NXPE2: variants seen among roughly 807,000 people sequenced by gnomAD.
NXPE2 encodes neurexophilin and PC-esterase domain family member 2.
Under a neutral mutation model 34.4 loss-of-function variants are expected in NXPE2, and 34 were observed. That is an observed-to-expected ratio of 0.99 (90% CI 0.75 to 1.31). NXPE2 has a LOEUF of 1.31. NXPE2 is among the 40% of genes most tolerant of loss of function. The pLI is 0.00. For missense variants in NXPE2, 649 were observed against 672.5 expected (o/e 0.97, Z 0.39); for synonymous variants, 235 against 231.3 (o/e 1.02, Z -0.15).
At chr11:114,721,574 G>A in the NXPE2 span, among the ~76,000 whole-genome samples, 1 of 152,212 alleles carries the variant, frequency 6.6e-6, no homozygotes, top group African/African-American at 2.4e-5. Flanking sequence ...TTAGCTGACA[G>A]GAGGTCAGAG....
chr11:114,581,863 G>T, the NXPE2 span: 1 of 943,378 alleles, frequency 1.1e-6, no homozygotes, highest in Non-Finnish European at 1.7e-6. Flanking sequence ...ATTATCCAGT[G>T]CCTCAGTTAT....
At chr11:114,588,658 AAAAGG>A in the NXPE2 span, among the ~76,000 whole-genome samples, 1 of 152,198 alleles carries the variant, frequency 6.6e-6, no homozygotes. Flanking sequence ...AGATGAATAG[AAAAGG>A]AAACACTTTT....
At chr11:114,603,304 A>ATT in the NXPE2 span, among the ~76,000 whole-genome samples, 1 of 71,464 alleles carries the variant, frequency 1.4e-5, no homozygotes. Flanking sequence ...CCTAGGTAAC[A>ATT]CCTATTACCT....
chr11:114,794,884 T>C, the NXPE2 span, among the ~76,000 whole-genome samples: 1 of 136,376 alleles, frequency 7.3e-6, no homozygotes, highest in Non-Finnish European at 1.6e-5. Context: ...GAGTAACTCA[T>C]TCTCAGCTGT....
the NXPE2 span, among the ~76,000 whole-genome samples, chr11:114,751,103 C>T: frequency 6.6e-6 from 1 of 152,130 alleles, no homozygotes; most frequent in South Asian, 2.1e-4. Context: ...GTTGCTTCAG[C>T]AGGGGATAGA....
chr11:114,547,632 G>C, the NXPE2 span, among the ~76,000 whole-genome samples: 1 of 152,198 alleles, frequency 6.6e-6, no homozygotes, highest in East Asian at 1.9e-4. Flanking sequence ...CTACTCGGGA[G>C]GCTGAGGCAG....
chr11:114,573,307 C>A, the NXPE2 span, among the ~76,000 whole-genome samples: 1 of 151,966 alleles, frequency 6.6e-6, no homozygotes, highest in Non-Finnish European at 1.5e-5. Context: ...AAAAGAAAAA[C>A]AAGGTATTTA....
At chr11:114,585,483 CT>C in the NXPE2 span, among the ~76,000 whole-genome samples, 5 of 151,844 alleles carry the variant, frequency 3.3e-5, no homozygotes, top group Non-Finnish European at 5.9e-5. Context: ...AGTCACTATG[CT>C]TATATCAGAT....
the NXPE2 span, among the ~76,000 whole-genome samples, chr11:114,545,017 T>C: frequency 6.6e-6 from 1 of 152,120 alleles, no homozygotes; most frequent in East Asian, 1.9e-4. Flanking sequence ...GAAATACTAA[T>C]ACATATCAAT....
chr11:114,786,891 T>C, the NXPE2 span, among the ~76,000 whole-genome samples: 3 of 152,130 alleles, frequency 2.0e-5, no homozygotes, highest in Non-Finnish European at 4.4e-5. Flanking sequence ...CACACACTGC[T>C]TGGCTGGTGC....
At chr11:114,799,717 A>G in the NXPE2 span, among the ~76,000 whole-genome samples, 3 of 152,256 alleles carry the variant, frequency 2.0e-5, no homozygotes, top group Non-Finnish European at 4.4e-5. Context: ...GTGTGAGGCA[A>G]GCCTCAGTGC....
chr11:114,646,099 T>G, the NXPE2 span, among the ~76,000 whole-genome samples: 3 of 152,098 alleles, frequency 2.0e-5, no homozygotes, highest in Non-Finnish European at 4.4e-5. Flanking sequence ...TCAACTTCTT[T>G]TATTTCTTAA....
Position 114,706,583 on chromosome 11 carries a change from G to C in NXPE2, c.1333G>C (p.Ala445Pro). Residue 445 changes from alanine to proline, a missense_variant, in exon 6 of 6, where the codon GCC (alanine) becomes CCC (proline). Physicochemically the swap from Ala to Pro is conservative, Grantham distance 27. Transcript: ENST00000389586. ...CCAGGTAGCAGGAGACAAAAACACA[G>C]CCATTGTCATTACCCTCGGCCAACA... ...IDQVAGDKNT[A>P]IVITLGQHFR... is the part of the protein sequence containing the mutation. 6.4e-7 allele frequency: 1 copy of C among 1,551,862 alleles called. No individual in the cohort carries two copies. The highest frequency in any genetic ancestry group is 2.4e-5 in the East Asian group (1 of 41,056).
At chr11:114,648,921 G>T in the NXPE2 span, among the ~76,000 whole-genome samples, 1 of 148,018 alleles carries the variant, frequency 6.8e-6, no homozygotes, top group South Asian at 2.2e-4. Flanking sequence ...TACATCTTAT[G>T]TTATATGATA....
At chr11:114,693,410 T>C (rs1019732579) in intron 2 of NXPE2, among the ~76,000 whole-genome samples, 1 of 152,210 alleles carries the variant, frequency 6.6e-6, no homozygotes, top group Non-Finnish European at 1.5e-5. Flanking sequence ...AATCTTACCC[T>C]AAATAGCCTA....
the NXPE2 span, among the ~76,000 whole-genome samples, chr11:114,662,380 G>A: frequency 6.6e-6 from 1 of 152,138 alleles, no homozygotes; most frequent in African/African-American, 2.4e-5. Context: ...ACCCATCCGG[G>A]TTGTTGGAAC....
the NXPE2 span, among the ~76,000 whole-genome samples, chr11:114,509,801 T>C: frequency 6.6e-6 from 1 of 152,014 alleles, no homozygotes; most frequent in African/African-American, 2.4e-5. Context: ...GGAAAGAGGA[T>C]GAGTAAAAAT....
chr11:114,610,305 G>A, the NXPE2 span, among the ~76,000 whole-genome samples: 1 of 151,324 alleles, frequency 6.6e-6, no homozygotes, highest in Non-Finnish European at 1.5e-5. Context: ...TGCCTAGTGT[G>A]TAACCACTGT....
At chr11:114,633,176 A>G in the NXPE2 span, among the ~76,000 whole-genome samples, 4 of 128,586 alleles carry the variant, frequency 3.1e-5, no homozygotes, top group Non-Finnish European at 6.2e-5. Flanking sequence ...TATATAATTT[A>G]TATGATTATA....
Sources: gnomAD v4.1 joint callset for allele counts (sites outside exome capture counted in the v4.1 genomes callset) on GRCh38, gnomAD v4.1.1 for gene constraint, MANE v1.5 for transcripts, NCBI Gene and HGNC (gene_info 2026-07-23, HGNC 2026-07-21) for gene names.